The following FRMD4A variants were observed in gnomAD, a reference collection of about 807,000 sequenced individuals.
FRMD4A encodes FERM domain containing 4A.
A neutral mutation model predicts 129.1 loss-of-function variants in FRMD4A; 29 were observed. The ratio of observed to expected loss-of-function variants is 0.22; its 90% CI spans 0.17 to 0.31. FRMD4A has a LOEUF of 0.31. Among genes scored for constraint, FRMD4A ranks in the 10% least tolerant of loss-of-function variants. The probability of loss-of-function intolerance (pLI) is 1.00; values close to 1 mark genes in which losing one functional copy is unlikely to be tolerated. For synonymous variants in FRMD4A, 634 were observed against 571.6 expected (o/e 1.11, Z -1.56); for missense variants, 1,272 against 1,375.8 (o/e 0.92, Z 1.19).
intron 15 of FRMD4A, among the ~76,000 whole-genome samples, chr10:13,679,472 T>TACACACACACACACACACACAC (rs1169130994): frequency 1.9e-4 from 4 of 21,392 alleles, no homozygotes; most frequent in Middle Eastern, 0.022. Context: ...TATATATATA[T>TACACACACACACACACACACAC]ATACACACAC....
At chr10:13,665,989 C>T in intron 18 of FRMD4A, 108 bp downstream of exon 18, 1 of 703,822 alleles carries the variant, frequency 1.4e-6, no homozygotes, top group Non-Finnish European at 2.5e-6. Context: ...AGGCAGCGGA[C>T]AGTTAGGCAG....
chr10:13,676,228 T>G lies in FRMD4A; in HGVS notation c.1118-1184A>C, dbSNP rs540521188. Among the ~76,000 whole-genome samples the G allele has an allele frequency of 2.6e-5, 4 of 152,212 alleles. No homozygotes were observed. The South Asian group carries it at 8.3e-4, about 32-fold the overall frequency. ...TGGGTTAGAAAAGGAACACTGACTCTCTACAAAGGGAAAAGCTGATTATAA... is the reference window on the plus strand; with the variant it reads ...TGGGTTAGAAAAGGAACACTGACTCGCTACAAAGGGAAAAGCTGATTATAA... On this transcript the variant is annotated intron_variant, in intron 15 of 24. Transcript: ENST00000357447.
chr10:13,964,076 C>A (rs1053414421), intron 2 of FRMD4A, among the ~76,000 whole-genome samples: 1 of 151,444 alleles, frequency 6.6e-6, no homozygotes, highest in African/African-American at 2.4e-5. Flanking sequence ...CAACCCAGAA[C>A]CAGAGAGGAG....
intron 2 of FRMD4A, among the ~76,000 whole-genome samples, chr10:14,065,994 G>T (rs904599628): frequency 1.4e-5 from 2 of 138,772 alleles, no homozygotes; most frequent in African/African-American, 5.3e-5. Flanking sequence ...GAAGTATGAA[G>T]TGGGGGTATG....
chr10:14,328,157 G>A (rs903770915), intron 2 of FRMD4A, among the ~76,000 whole-genome samples: 7 of 152,010 alleles, frequency 4.6e-5, no homozygotes, highest in South Asian at 2.1e-4. Context: ...TTAATCAAAC[G>A]GTCCATCAGG....
At chr10:13,769,566 T>A (rs992656050) in intron 6 of FRMD4A, among the ~76,000 whole-genome samples, 1 of 152,106 alleles carries the variant, frequency 6.6e-6, no homozygotes, top group Admixed American at 6.5e-5. Flanking sequence ...CACCTCGGCC[T>A]CCCAAAGTGC....
rs554543433 is a variant in FRMD4A, at chr10:13,796,880, C to T, written c.207-292G>A. Reference sequence around the variant, plus strand: ...GACTACAAGCATGAGCCACCATGCCCGGCTAATTTTTGTATTTTTGGTAGA... The same window carrying T: ...GACTACAAGCATGAGCCACCATGCCTGGCTAATTTTTGTATTTTTGGTAGA... On this transcript the variant is annotated intron_variant, in intron 4 of 24. Coordinates refer to ENST00000357447, the MANE Select transcript of FRMD4A (RefSeq NM_018027.5). 3.3e-5 allele frequency among the ~76,000 whole-genome samples: 5 copies of T among 152,160 alleles called. No homozygotes were observed. In the South Asian group the frequency reaches 1.0e-3, roughly 32 times the overall value.
intron 8 of FRMD4A, among the ~76,000 whole-genome samples, chr10:13,753,888 G>C (rs2091743434): frequency 6.6e-6 from 1 of 152,096 alleles, no homozygotes; most frequent in South Asian, 2.1e-4. Flanking sequence ...TATAAGTAAG[G>C]ATTTCTTCCT....
intron 12 of FRMD4A, among the ~76,000 whole-genome samples, chr10:13,709,879 C>A (rs1407895611): frequency 6.6e-6 from 1 of 151,360 alleles, no homozygotes; most frequent in Non-Finnish European, 1.5e-5. Flanking sequence ...TGTTGCTATA[C>A]GCTTTTTAAA....
At chr10:13,735,182 GT>G (rs772861848) in intron 12 of FRMD4A, among the ~76,000 whole-genome samples, 1 of 152,080 alleles carries the variant, frequency 6.6e-6, no homozygotes, top group Non-Finnish European at 1.5e-5. Flanking sequence ...CACAATAACT[GT>G]TTTTTTGAGC....
At chr10:13,662,891 T>C (rs1241248523) in intron 19 of FRMD4A, among the ~76,000 whole-genome samples, 1 of 152,166 alleles carries the variant, frequency 6.6e-6, no homozygotes, top group Non-Finnish European at 1.5e-5. Flanking sequence ...CTATGCCTAG[T>C]GTGTAGATTC....
At chr10:14,136,885 C>A (rs1310630527) in intron 2 of FRMD4A, among the ~76,000 whole-genome samples, 3 of 152,308 alleles carry the variant, frequency 2.0e-5, no homozygotes, top group Non-Finnish European at 4.4e-5. Context: ...TGGACTGAGA[C>A]CTGTCTCAAA....
chr10:13,930,864 G>A (rs1184740437), intron 2 of FRMD4A, among the ~76,000 whole-genome samples: 1 of 151,876 alleles, frequency 6.6e-6, no homozygotes, highest in Admixed American at 6.6e-5. Flanking sequence ...TCGGTGTCTT[G>A]CTCTGTTGCC....
At position 13,728,573 on chromosome 10, in the gene FRMD4A, C is replaced by CTT. The variant is rs10706168; in HGVS notation, c.759+9269_759+9270dup. 5.8e-3 allele frequency among the ~76,000 whole-genome samples: 458 copies of CTT among 78,356 alleles called. 45 individuals are homozygous for CTT. The highest frequency in any genetic ancestry group is 0.02 in the African/African-American group (430 of 21,266). The allele number at this position is 78,356 out of a possible 152,430, so 51.4% of individuals were successfully genotyped here. On this transcript the variant is annotated intron_variant, in intron 12 of 24. Coordinates refer to ENST00000357447, the MANE Select transcript of FRMD4A (RefSeq NM_018027.5). ...TCAGTGCTTTCAGGTGATTACCATT[C>CTT]TTTTTTTTTTTTTTTTTGAGATGGA...
At chr10:13,835,545 T>C (rs1384372270) in intron 3 of FRMD4A, among the ~76,000 whole-genome samples, 1 of 152,098 alleles carries the variant, frequency 6.6e-6, no homozygotes, top group Non-Finnish European at 1.5e-5. Context: ...GAGTTCCACC[T>C]CCCTTCAGAT....
At chr10:14,330,306 G>GTA in intron 1 of FRMD4A, 123 bp from the exon 2 acceptor site, 1 of 453,990 alleles carries the variant, frequency 2.2e-6, no homozygotes, top group Admixed American at 3.9e-5. Context: ...TGCTTAGGGA[G>GTA]GAAAAAAAAA....
chr10:13,666,209 T>C lies in FRMD4A; in HGVS notation c.1491A>G (p.Lys497=), dbSNP rs1002045963. The C allele has an allele frequency of 2.5e-6, 4 of 1,613,648 alleles. No individual in the cohort carries two copies. Among genetic ancestry groups the C allele is most frequent in the South Asian group, 1.1e-5 (1 of 91,076 alleles). ...TCTTCAGTGCATTCAGATACGAGGT[T>C]TTCCTTTGTTTCTTCAGTTTTTTGC... ...NVSKKLKKQR[K]TSYLNALKKL... is the part of the protein sequence containing the mutation. Residue 497 remains lysine (K), a synonymous_variant, in exon 18 of 25, where the codon AAA becomes AAG. Transcript: ENST00000357447.
At position 14,330,838 on chromosome 10, in the gene FRMD4A, A is replaced by G; in HGVS notation, c.-323T>C. On this transcript the variant is annotated 5_prime_UTR_variant, in exon 1 of 25. The change abolishes an upstream ATG in the 5' untranslated region. Transcript: ENST00000357447. ...CAGCTCAGCTCCCGGTAGGGCTAAC[A>G]TACTTAAGAGGAACATGGAATTGCA... The G allele has an allele frequency of 2.5e-6, 1 of 398,664 alleles. No individual in the cohort carries two copies. The highest frequency in any genetic ancestry group is 4.4e-6 in the Non-Finnish European group (1 of 226,192). 24.7% of individuals were successfully genotyped at this position (398,664 alleles called of 1,614,324 possible).
intron 2 of FRMD4A, chr10:14,007,461 T>C (rs1462487330): frequency 6.6e-6 from 1 of 152,434 alleles, no homozygotes; most frequent in African/African-American, 2.4e-5. Context: ...ACTAGGGGCT[T>C]CCATAAAGTA....
Sources: gnomAD v4.1 joint callset for allele counts (sites outside exome capture counted in the v4.1 genomes callset) on GRCh38, gnomAD v4.1.1 for gene constraint, MANE v1.5 for transcripts, NCBI Gene and HGNC (gene_info 2026-07-23, HGNC 2026-07-21) for gene names.